Variants in CCDC186 observed in about 807,000 individuals in gnomAD.
CCDC186 encodes coiled-coil domain-containing protein 186.
CCDC186 carries 49 observed loss-of-function variants against 113.7 expected under a neutral mutation model. That is an observed-to-expected ratio of 0.43 (90% CI 0.34 to 0.55). The LOEUF (loss-of-function observed/expected upper bound fraction) is 0.55, where lower values mean the gene tolerates loss of function less well. Ranked by LOEUF, CCDC186 falls within the 20% of genes least tolerant of loss-of-function variation. CCDC186 has a pLI of 0.02. For missense variants in CCDC186, 890 were observed against 1,011.1 expected, an observed-to-expected ratio of 0.88 and a Z score of 1.62; for synonymous variants, 355 against 345.8, an observed-to-expected ratio of 1.03 and a Z score of -0.30.
At chr10:114,156,592 T>G (rs1213196728) in intron 3 of CCDC186, among the ~76,000 whole-genome samples, 1 of 152,104 alleles carries the variant, frequency 6.6e-6, no homozygotes, top group Non-Finnish European at 1.5e-5. Flanking sequence ...TGGGTGTGGT[T>G]GGTGGCCGCC....
intron 6 of CCDC186, among the ~76,000 whole-genome samples, chr10:114,140,666 G>A (rs1394266059): frequency 6.6e-6 from 1 of 152,126 alleles, no homozygotes; most frequent in African/African-American, 2.4e-5. Flanking sequence ...CTACTCCTAT[G>A]TTTTCAAGTA....
chr10:114,136,059 C>A, intron 8 of CCDC186, 82 bp from the exon 9 acceptor site: 1 of 1,492,038 alleles, frequency 6.7e-7, no homozygotes, highest in Non-Finnish European at 9.3e-7. Context: ...TTCCAAAAGG[C>A]CTTAAAAGTA....
At position 114,131,990 on chromosome 10, in the gene CCDC186, GA is replaced by G; in HGVS notation, c.1849del (p.Ser617ProfsTer14). The G allele has an allele frequency of 1.2e-6, 2 of 1,612,686 alleles. No homozygotes were observed. The highest frequency in any genetic ancestry group is 1.7e-6 in the Non-Finnish European group (2 of 1,179,370). ...GCTTTGTAACTGACTTTCACTACAG[GA>G]AACTTTATCAAATTGTGACTGCAAA... The part of the protein sequence containing the change: ...NSLQSQFDKV[S>X]CSESQLQSQC... On this transcript the variant is annotated frameshift_variant, in exon 11 of 16. Transcript: ENST00000369287. LOFTEE classifies it high-confidence loss of function.
At chr10:114,173,346 C>A in intron 1 of CCDC186, 1 of 320,112 alleles carries the variant, frequency 3.1e-6, no homozygotes, top group Non-Finnish European at 6.5e-6. Flanking sequence ...TGCACTGTTT[C>A]CCAAGATTGC....
chr10:114,127,087 A>G (rs1304616689), intron 14 of CCDC186, among the ~76,000 whole-genome samples: 2 of 152,196 alleles, frequency 1.3e-5, no homozygotes, highest in South Asian at 2.1e-4. Context: ...TAGGTACTCA[A>G]TAAATTATCC....
At chr10:114,137,110 C>G (rs2031289012) in intron 7 of CCDC186, 76 bp downstream of exon 7, 1 of 1,111,770 alleles carries the variant, frequency 9.0e-7, no homozygotes, top group East Asian at 2.5e-5. Context: ...GAGCGAGACT[C>G]CATCTAAAAA....
chr10:114,173,017 A>G (rs976526792), intron 1 of CCDC186: 2 of 293,530 alleles, frequency 6.8e-6, no homozygotes, highest in Non-Finnish European at 1.4e-5. Context: ...GACTACCAGC[A>G]CACCTCTTGA....
chr10:114,135,479 G>A (rs1256265242), intron 9 of CCDC186, among the ~76,000 whole-genome samples: 5 of 152,084 alleles, frequency 3.3e-5, no homozygotes, highest in Non-Finnish European at 7.4e-5. Context: ...CTATAAACAC[G>A]AAGAGGACTT....
rs116220761 is a variant in CCDC186, at chr10:114,144,554, G to A, written c.1164C>T (p.His388=). 868 of 1,612,996 alleles carry A rather than the reference G, an allele frequency of 5.4e-4. 2 individuals carry two copies. In the African/African-American group the frequency reaches 0.01, roughly 19 times the overall value. ...IDKLKEDINS[H]VIKVKWAQNK... ...TTTGTGCCCACTTTACTTTGATGAC[G>A]TGAGAGTTAATGTCTTCCTTTAATT... Residue 388 remains histidine (H), a synonymous_variant, in exon 6 of 16, where the codon CAC becomes CAT. Coordinates refer to ENST00000369287, the MANE Select transcript of CCDC186 (RefSeq NM_018017.4).
In CCDC186 at chr10:114,127,602, T is replaced by C. The variant is rs564572727; in HGVS notation, c.2252A>G (p.Asp751Gly). ...GGCCTTATCTACTTGTGGAAAGTTA[T>C]CCACAGCTACTGAGGACCCAGTATT... Reference protein sequence around the residue: ...PENTGSSVAVDNFPQVDKAML... With the variant: ...PENTGSSVAVGNFPQVDKAML... The change falls in exon 14 of 16, where the codon GAT (aspartate) becomes GGT (glycine). Residue 751 changes from aspartate to glycine, a missense_variant. Transcript: ENST00000369287. 5.0e-6 allele frequency: 8 copies of C among 1,613,992 alleles called. No homozygotes were observed. The highest frequency in any genetic ancestry group is 1.7e-5 in the Admixed American group (1 of 59,970).
rs1434026488 is a variant in CCDC186, at chr10:114,122,779, C to T, written c.*2364G>A. On this transcript the variant is annotated 3_prime_UTR_variant, in exon 16 of 16. Coordinates refer to ENST00000369287, the MANE Select transcript of CCDC186 (RefSeq NM_018017.4). ...GTCCTGATCCATATACAAAAGCACA[C>T]TGTAGACAGTGAAGAACAGAAGAAA... 2 of 152,178 alleles carry T rather than the reference C, an allele frequency of 1.3e-5. No homozygotes were observed. Among genetic ancestry groups the T allele is most frequent in the Admixed American group, 6.5e-5 (1 of 15,272 alleles). 9.4% of individuals were successfully genotyped at this position (152,178 alleles called of 1,614,324 possible).
chr10:114,167,322 T>C (rs1040460110), intron 1 of CCDC186, among the ~76,000 whole-genome samples: 1 of 152,114 alleles, frequency 6.6e-6, no homozygotes, highest in Non-Finnish European at 1.5e-5. Flanking sequence ...TGAATACTGT[T>C]TGGCAGCCAA....
chr10:114,161,202 A>C (rs2032158390), intron 2 of CCDC186, among the ~76,000 whole-genome samples: 1 of 152,182 alleles, frequency 6.6e-6, no homozygotes, highest in South Asian at 2.1e-4. Context: ...TATTTGAAAA[A>C]GCTCTAAAGC....
intron 6 of CCDC186, among the ~76,000 whole-genome samples, chr10:114,137,896 T>A (rs1158293680): frequency 6.6e-6 from 1 of 151,236 alleles, no homozygotes; most frequent in Non-Finnish European, 1.5e-5. Flanking sequence ...ATTAGCCGGG[T>A]GTGGTGGCGC....
At chr10:114,173,871 G>A in intron 1 of CCDC186, 144 bp downstream of exon 1, 1 of 358,124 alleles carries the variant, frequency 2.8e-6, no homozygotes, top group South Asian at 2.0e-5. Context: ...GAGCCAGGCG[G>A]GGAGCCCGCT....
At position 114,122,333 on chromosome 10, in the gene CCDC186, C is replaced by T. The variant is rs189820329; in HGVS notation, c.*2810G>A. The T allele has an allele frequency of 6.6e-6, 1 of 152,078 alleles. No individual in the cohort carries two copies. Among genetic ancestry groups the T allele is most frequent in the Non-Finnish European group, 1.5e-5 (1 of 68,018 alleles). 9.4% of individuals were successfully genotyped at this position (152,078 alleles called of 1,614,324 possible). A position where few individuals can be genotyped will look rare whatever the true frequency, so the allele number is the denominator to read the frequency against. ...AAGATAGAAAGTAAAAACAAAAAAA[C>T]CCCATCAAAGTTCAAATTCATTCTT... On this transcript the variant is annotated 3_prime_UTR_variant, in exon 16 of 16. Coordinates refer to ENST00000369287, the MANE Select transcript of CCDC186 (RefSeq NM_018017.4).
At chr10:114,145,477 G>T (rs2031606350) in intron 5 of CCDC186, 72 bp downstream of exon 5, 4 of 1,266,910 alleles carry the variant, frequency 3.2e-6, no homozygotes, top group South Asian at 3.1e-5. Context: ...ATGATTATTT[G>T]ATTAAATATG....
At chr10:114,161,911 A>G (rs2119818276) in intron 2 of CCDC186, 2 of 152,354 alleles carry the variant, frequency 1.3e-5, no homozygotes, top group South Asian at 4.1e-4. Context: ...ACATTAGGCT[A>G]AATGAAATAA....
chr10:114,155,543 C>T (rs1419257677), intron 3 of CCDC186, among the ~76,000 whole-genome samples: 3 of 152,022 alleles, frequency 2.0e-5, no homozygotes, highest in Admixed American at 6.6e-5. Context: ...GGCTTGGTGG[C>T]GGGCCCCTGT....
Sources: gnomAD v4.1 joint callset for allele counts (sites outside exome capture counted in the v4.1 genomes callset) on GRCh38, gnomAD v4.1.1 for gene constraint, MANE v1.5 for transcripts, NCBI Gene and HGNC (gene_info 2026-07-23, HGNC 2026-07-21) for gene names.